KIF5C: variants seen among roughly 807,000 people sequenced by gnomAD.
The protein encoded by KIF5C is kinesin heavy chain isoform 5C.
KIF5C carries 18 observed loss-of-function variants against 125.2 expected under a neutral mutation model. The ratio of observed to expected loss-of-function variants is 0.14; its 90% CI spans 0.10 to 0.21. The LOEUF (loss-of-function observed/expected upper bound fraction) is 0.21, where lower values mean the gene tolerates loss of function less well. KIF5C is among the 10% of genes least tolerant of loss of function. The probability of loss-of-function intolerance (pLI) is 1.00; values close to 1 mark genes in which losing one functional copy is unlikely to be tolerated. For synonymous variants in KIF5C, 405 were observed against 434.0 expected (o/e 0.93, Z 0.83); for missense variants, 780 against 1,183.8 (o/e 0.66, Z 5.01).
At chr2:148,896,205 T>C (rs907081312) in intron 1 of KIF5C, among the ~76,000 whole-genome samples, 26 of 152,250 alleles carry the variant, frequency 1.7e-4, no homozygotes, top group Non-Finnish European at 3.1e-4. Context: ...CCTGGCTTTT[T>C]CCAAATAACA....
chr2:148,887,428 T>A (rs2105042258), intron 1 of KIF5C, among the ~76,000 whole-genome samples: 1 of 152,172 alleles, frequency 6.6e-6, no homozygotes, highest in South Asian at 2.1e-4. Context: ...TGTGCTAAGC[T>A]CAGTCCTAAG....
chr2:148,963,428 T>C (rs1172665872), intron 11 of KIF5C, among the ~76,000 whole-genome samples: 2 of 152,196 alleles, frequency 1.3e-5, no homozygotes, highest in Non-Finnish European at 2.9e-5. Flanking sequence ...CAATGAGCTA[T>C]TGTTTAATAG....
At position 148,979,099 on chromosome 2, in the gene KIF5C, A is replaced by G. The variant is rs938264386; in HGVS notation, c.1362+109A>G. The stretch of plus-strand genomic sequence containing the variant: ...CATAGAAGCTTTTCATAATTACAGA[A>G]TCATGTGGAAATTTCTTGGTAGATG... On this transcript the variant is annotated intron_variant, in intron 13 of 25. Coordinates refer to ENST00000435030, the MANE Select transcript of KIF5C (RefSeq NM_004522.3). 2.1e-5 allele frequency: 28 copies of G among 1,305,622 alleles called. No individual in the cohort carries two copies. The African/African-American group carries it at 4.3e-4, about 20-fold the overall frequency. 80.9% of individuals were successfully genotyped at this position (1,305,622 alleles called of 1,614,324 possible).
intron 25 of KIF5C, among the ~76,000 whole-genome samples, chr2:149,018,312 C>A (rs1057499042): frequency 6.6e-6 from 1 of 152,002 alleles, no homozygotes; most frequent in Admixed American, 6.6e-5. Flanking sequence ...CAAATAAAAA[C>A]AAATACATGA....
At chr2:148,932,815 C>T (rs967621464) in intron 3 of KIF5C, among the ~76,000 whole-genome samples, 4 of 152,132 alleles carry the variant, frequency 2.6e-5, no homozygotes, top group Non-Finnish European at 4.4e-5. Flanking sequence ...CATGTGCTGA[C>T]GGGCTGATGT....
intron 19 of KIF5C, among the ~76,000 whole-genome samples, chr2:148,999,110 C>T (rs967589802): frequency 2.2e-4 from 33 of 152,188 alleles, no homozygotes; most frequent in African/African-American, 7.7e-4. Flanking sequence ...CAGGTGACAC[C>T]CCCTCATGTT....
At chr2:148,942,902 G>A (rs1220077012) in intron 7 of KIF5C, 142 bp downstream of exon 7, 1 of 1,432,370 alleles carries the variant, frequency 7.0e-7, no homozygotes, top group African/African-American at 1.4e-5. Context: ...ACAGACGCCA[G>A]GGTATGTGTG....
chr2:148,970,707 C>G (rs1233457404), intron 11 of KIF5C, among the ~76,000 whole-genome samples: 1 of 152,160 alleles, frequency 6.6e-6, no homozygotes, highest in East Asian at 1.9e-4. Context: ...TAGGGGAAGT[C>G]AGGCCTGTGA....
intron 1 of KIF5C, chr2:148,878,015 G>T (rs187915839): frequency 1.3e-5 from 2 of 152,076 alleles, no homozygotes; most frequent in Non-Finnish European, 2.9e-5. Context: ...CTTTTCAACC[G>T]TAAAGTAAGT....
intron 6 of KIF5C, among the ~76,000 whole-genome samples, chr2:148,942,404 T>A (rs1329891944): frequency 6.6e-5 from 10 of 152,208 alleles, no homozygotes; most frequent in Non-Finnish European, 1.3e-4. Context: ...TCTTAAAGTG[T>A]TGCTGTTCAG....
At chr2:148,978,064 A>G (rs561226612) in intron 12 of KIF5C, among the ~76,000 whole-genome samples, 6 of 152,324 alleles carry the variant, frequency 3.9e-5, no homozygotes, top group South Asian at 4.1e-4. Flanking sequence ...TTCACAGGCT[A>G]TGTTTCAAAT....
intron 8 of KIF5C, among the ~76,000 whole-genome samples, chr2:148,948,659 C>G (rs1352041566): frequency 6.6e-6 from 1 of 150,734 alleles, no homozygotes. Flanking sequence ...GAAAAGAACT[C>G]TGGGCTTTAG....
chr2:148,895,602 T>A (rs2105050590), intron 1 of KIF5C, among the ~76,000 whole-genome samples: 1 of 152,262 alleles, frequency 6.6e-6, no homozygotes, highest in African/African-American at 2.4e-5. Context: ...TTTCAAATGG[T>A]CAAAAAACAT....
chr2:149,007,355 C>T (rs957400283), intron 22 of KIF5C, among the ~76,000 whole-genome samples: 30 of 152,156 alleles, frequency 2.0e-4, no homozygotes, highest in Non-Finnish European at 7.3e-5. Context: ...CTGTGCCACT[C>T]GGCTTGCCAG....
chr2:148,947,946 G>A (rs1230689229), intron 8 of KIF5C: 4 of 456,676 alleles, frequency 8.8e-6, no homozygotes, highest in South Asian at 6.2e-5. Context: ...CCAAGTTATG[G>A]CCACTTACAT....
chr2:149,007,737 GTT>G (rs200712371), intron 22 of KIF5C, among the ~76,000 whole-genome samples: 17 of 146,314 alleles, frequency 1.2e-4, no homozygotes, highest in Middle Eastern at 3.5e-3. Context: ...ATTTGAAGGA[GTT>G]TTTTTTTTTT....
At chr2:148,946,027 G>T (rs1373081397) in intron 7 of KIF5C, among the ~76,000 whole-genome samples, 1 of 151,926 alleles carries the variant, frequency 6.6e-6, no homozygotes, top group Non-Finnish European at 1.5e-5. Flanking sequence ...CTCTTCTTTG[G>T]TTAAGTTTAT....
intron 10 of KIF5C, among the ~76,000 whole-genome samples, chr2:148,961,713 A>C (rs1175754848): frequency 6.6e-6 from 1 of 152,122 alleles, no homozygotes; most frequent in Non-Finnish European, 1.5e-5. Context: ...GAAAGAGGAA[A>C]CCCTGAGACA....
chr2:148,937,436 A>C (rs759547162), intron 4 of KIF5C, 48 bp downstream of exon 4: 8 of 1,539,150 alleles, frequency 5.2e-6, no homozygotes, highest in Non-Finnish European at 7.0e-6. Flanking sequence ...GCCCCAGATA[A>C]CGTTTCTTAT....
Sources: gnomAD v4.1 joint callset for allele counts (sites outside exome capture counted in the v4.1 genomes callset) on GRCh38, gnomAD v4.1.1 for gene constraint, MANE v1.5 for transcripts, NCBI Gene and HGNC (gene_info 2026-07-23, HGNC 2026-07-21) for gene names.